UGDH: variants seen among roughly 807,000 people sequenced by gnomAD.
UGDH encodes UDP-glucose 6-dehydrogenase, also known as UDP-Glc dehydrogenase.
UGDH carries 38 observed loss-of-function variants against 50.6 expected under a neutral mutation model. The observed-to-expected ratio is 0.75, with a 90% CI of 0.58 to 0.98. The LOEUF (loss-of-function observed/expected upper bound fraction) is 0.98. Ranked by LOEUF, UGDH falls within the 50% of genes least tolerant of loss-of-function variation. The probability of loss-of-function intolerance (pLI) is 0.00; values close to 1 mark genes in which losing one functional copy is unlikely to be tolerated. For missense variants in UGDH, 465 were observed against 606.2 expected, an observed-to-expected ratio of 0.77 and a Z score of 2.45; for synonymous variants, 168 against 199.9, an observed-to-expected ratio of 0.84 and a Z score of 1.35.
In UGDH at chr4:39,527,263, A is replaced by G. The variant is rs1197450485; in HGVS notation, c.-8+20T>C. ...AGCATCCCGCCCGGGCGGCGGGGCC[A>G]GCCTGGGAGCGGCGCTTACCCACTT... On this transcript the variant is annotated intron_variant, in intron 1 of 11. Transcript: ENST00000316423. 1.8e-5 allele frequency: 9 copies of G among 511,748 alleles called. No individual in the cohort carries two copies. Among genetic ancestry groups the G allele is most frequent in the African/African-American group, 1.6e-4 (8 of 49,382 alleles). 31.7% of individuals were successfully genotyped at this position (511,748 alleles called of 1,614,324 possible).
rs766669367 is a variant in UGDH at position 39,510,765 on chromosome 4, T to G, written c.361A>C (p.Asn121His). The G allele has an allele frequency of 3.7e-6, 6 of 1,614,128 alleles. No individual in the cohort carries two copies. Among genetic ancestry groups the G allele is most frequent in the East Asian group, 2.2e-5 (1 of 44,908 alleles). The change falls in exon 4 of 12, where the codon AAT (asparagine) becomes CAT (histidine). Residue 121 changes from asparagine to histidine, a missense_variant. Transcript: ENST00000316423. ...TTCTCAGTCACAATTTTGTACCCAT[T>G]TGAGTTTTGCACAATGCGTCTAGCA... ...ACARRIVQNS[N>H]GYKIVTEKST...
intron 3 of UGDH, among the ~76,000 whole-genome samples, chr4:39,512,375 G>A (rs1365336780): frequency 6.6e-6 from 1 of 152,162 alleles, no homozygotes; most frequent in South Asian, 2.1e-4. Context: ...GGAGGAAAAA[G>A]TTGTTTACAT....
intron 1 of UGDH, among the ~76,000 whole-genome samples, chr4:39,522,826 G>A (rs1746721542): frequency 6.7e-6 from 1 of 149,294 alleles, no homozygotes; most frequent in Non-Finnish European, 1.5e-5. Context: ...AGTACAATGT[G>A]ACCTCGGCTC....
chr4:39,508,173 G>A (rs1746099563), intron 7 of UGDH, among the ~76,000 whole-genome samples: 1 of 152,082 alleles, frequency 6.6e-6, no homozygotes, highest in South Asian at 2.1e-4. Context: ...AACATTTCAT[G>A]GACAAAAAGT....
At chr4:39,515,444 T>C (rs1227598947) in intron 2 of UGDH, among the ~76,000 whole-genome samples, 1 of 152,036 alleles carries the variant, frequency 6.6e-6, no homozygotes, top group Non-Finnish European at 1.5e-5. Context: ...AATTTTTCTA[T>C]ATGCTTAAAT....
chr4:39,501,958 C>T (rs948661030), intron 11 of UGDH, among the ~76,000 whole-genome samples: 3 of 152,122 alleles, frequency 2.0e-5, no homozygotes, highest in African/African-American at 4.8e-5. Context: ...AATTCTGACT[C>T]GTACCACAAA....
rs763792474 is a variant in UGDH, at chr4:39,521,365, G to C, written c.148C>G (p.Leu50Val). ...SRINAWNSPT[L>V]PIYEPGLKEV... is the part of the protein sequence containing the mutation. ...AATATGTTTACCTCATAAATAGGAA[G>C]TGTAGGAGAATTCCACGCATTGATT... Residue 50 changes from leucine to valine, a missense_variant, in exon 2 of 12, where the codon CTT becomes GTT. Transcript: ENST00000316423. 5 of 1,608,898 alleles carry C rather than the reference G, an allele frequency of 3.1e-6. No homozygotes were observed. The highest frequency in any genetic ancestry group is 3.4e-6 in the Non-Finnish European group (4 of 1,177,914).
chr4:39,505,377 G>GAA lies in UGDH; in HGVS notation c.1038-9_1038-8dup, dbSNP rs33942301. On this transcript the variant is annotated splice_polypyrimidine_tract_variant and splice_region_variant and intron_variant, in intron 8 of 11. Transcript: ENST00000316423. Reference sequence around the variant, plus strand: ...ATATATACTAGAAGATTCTCTATAGGAAAAAAAAAATCAGTATTGGTAAGC... The same window carrying GAA: ...ATATATACTAGAAGATTCTCTATAGGAAAAAAAAAAAATCAGTATTGGTAAGC... 8 of 1,441,706 alleles carry GAA rather than the reference G, an allele frequency of 5.5e-6. No individual in the cohort carries two copies. Among genetic ancestry groups the GAA allele is most frequent in the Admixed American group, 2.4e-5 (1 of 41,962 alleles). The allele number at this position is 1,441,706 out of a possible 1,614,324, so 89.3% of individuals were successfully genotyped here.
chr4:39,512,271 C>T (rs933313501), intron 3 of UGDH, among the ~76,000 whole-genome samples: 1 of 152,174 alleles, frequency 6.6e-6, no homozygotes, highest in Admixed American at 6.5e-5. Flanking sequence ...TAACTCTCTT[C>T]TCTTGATGAG....
intron 1 of UGDH, among the ~76,000 whole-genome samples, chr4:39,523,956 G>A (rs982739874): frequency 4.6e-5 from 7 of 152,024 alleles, no homozygotes; most frequent in Non-Finnish European, 8.8e-5. Context: ...CAAGCAATCC[G>A]TTTTCTTGTA....
intron 1 of UGDH, chr4:39,526,306 A>G (rs1321731332): frequency 6.6e-6 from 1 of 152,240 alleles, no homozygotes. Flanking sequence ...TTATCCAGTT[A>G]TAGATTTTGT....
chr4:39,514,409 C>G (rs1746366776), intron 2 of UGDH, among the ~76,000 whole-genome samples: 1 of 152,222 alleles, frequency 6.6e-6, no homozygotes, highest in Admixed American at 6.5e-5. Context: ...GTCACCCAGG[C>G]TGGAGTGCAG....
chr4:39,511,339 C>G (rs1746238330), intron 3 of UGDH, among the ~76,000 whole-genome samples: 1 of 151,134 alleles, frequency 6.6e-6, no homozygotes, highest in African/African-American at 2.4e-5. Context: ...CGGCTCACTG[C>G]AACCTCTGCC....
At chr4:39,501,747 C>T (rs1189677513) in intron 11 of UGDH, among the ~76,000 whole-genome samples, 1 of 152,186 alleles carries the variant, frequency 6.6e-6, no homozygotes, top group Non-Finnish European at 1.5e-5. Flanking sequence ...AAGTGCTTAG[C>T]ATACAGCAAG....
intron 2 of UGDH, among the ~76,000 whole-genome samples, chr4:39,519,459 TA>T (rs745930368): frequency 6.6e-6 from 1 of 152,152 alleles, no homozygotes; most frequent in Non-Finnish European, 1.5e-5. Context: ...CTTTTATCAA[TA>T]TCAGCATTAT....
chr4:39,507,187 T>A (rs1746062471), intron 7 of UGDH, among the ~76,000 whole-genome samples: 1 of 152,188 alleles, frequency 6.6e-6, no homozygotes, highest in African/African-American at 2.4e-5. Flanking sequence ...ATGTTAGTGA[T>A]GAGGATTAAA....
intron 2 of UGDH, 65 bp downstream of exon 2, chr4:39,521,286 A>G: frequency 7.0e-7 from 1 of 1,420,784 alleles, no homozygotes. Flanking sequence ...AATAGTGCAT[A>G]TAAATGATAT....
intron 3 of UGDH, among the ~76,000 whole-genome samples, chr4:39,511,436 T>C (rs970314649): frequency 3.3e-5 from 5 of 151,878 alleles, no homozygotes; most frequent in Admixed American, 3.3e-4. Context: ...ACTTTTTTTA[T>C]ATTTTTAGTA....
rs995703876 is a variant in UGDH, at chr4:39,500,007, G to A, written c.*136C>T. On this transcript the variant is annotated 3_prime_UTR_variant, in exon 12 of 12. Transcript: ENST00000316423. ...ATTGCACCACTGCACTCCAGCCTGGGCAACAGTGAGACTCTGTCTCAAAAA... is the reference window on the plus strand; with the variant it reads ...ATTGCACCACTGCACTCCAGCCTGGACAACAGTGAGACTCTGTCTCAAAAA... The A allele has an allele frequency of 1.7e-5, 9 of 538,440 alleles. No individual in the cohort carries two copies. The highest frequency in any genetic ancestry group is 1.6e-4 in the African/African-American group (8 of 50,878). 33.4% of individuals were successfully genotyped at this position (538,440 alleles called of 1,614,324 possible).
Sources: gnomAD v4.1 joint callset for allele counts (sites outside exome capture counted in the v4.1 genomes callset) on GRCh38, gnomAD v4.1.1 for gene constraint, MANE v1.5 for transcripts, NCBI Gene and HGNC (gene_info 2026-07-23, HGNC 2026-07-21) for gene names.